NCOA4: variants seen among roughly 807,000 people sequenced by gnomAD.
NCOA4 encodes nuclear receptor coactivator 4, also known as 70 kDa AR-activator.
NCOA4 carries 31 observed loss-of-function variants against 69.5 expected under a neutral mutation model. The observed-to-expected ratio is 0.45, with a 90% confidence interval of 0.34 to 0.60. The LOEUF (loss-of-function observed/expected upper bound fraction) is 0.60. Among genes scored for constraint, NCOA4 ranks in the 20% least tolerant of loss-of-function variants. NCOA4 has a pLI of 0.02. For synonymous variants in NCOA4, 228 were observed against 252.4 expected, an observed-to-expected ratio of 0.90 and a Z score of 0.92; for missense variants, 600 against 719.2, an observed-to-expected ratio of 0.83 and a Z score of 1.90.
In NCOA4 at chr10:46,005,845, C is replaced by T. The variant is rs1381856341; in HGVS notation, c.*747G>A. ...TCGGTACTGGGGTTCTTTTAAGCCC[C>T]GTAGGTCTGTAGAATATTTTAAAAG... is the stretch of plus-strand genomic sequence containing the variant. On this transcript the variant is annotated 3_prime_UTR_variant, in exon 10 of 10. Transcript: ENST00000581486. 18 of 207,154 alleles carry T rather than the reference C, an allele frequency of 8.7e-5. No homozygotes were observed. The highest frequency in any genetic ancestry group is 3.0e-4 in the East Asian group (4 of 13,474). 12.8% of individuals were successfully genotyped at this position (207,154 alleles called of 1,614,324 possible).
chr10:46,009,344 T>C, intron 9 of NCOA4, 67 bp downstream of exon 9: 1 of 1,556,890 alleles, frequency 6.4e-7, no homozygotes, highest in Non-Finnish European at 8.8e-7. Flanking sequence ...TGACTTCATA[T>C]GTAAGACAAA....
intron 1 of NCOA4, chr10:46,023,499 G>C (rs908774569): frequency 2.0e-6 from 2 of 985,536 alleles, no homozygotes; most frequent in South Asian, 4.7e-5. Flanking sequence ...AGCCAAGGGC[G>C]GGGAGGAGCG....
At chr10:46,010,154 A>AC (rs1839119129) in intron 8 of NCOA4, 69 bp downstream of exon 8, 28 of 1,506,004 alleles carry the variant, frequency 1.9e-5, no homozygotes, top group Non-Finnish European at 2.3e-5. Flanking sequence ...AGTGACAGAG[A>AC]CCCCATCTCA....
chr10:46,014,130 G>A lies in NCOA4; in HGVS notation c.480+314C>T, dbSNP rs1381729159. Among the ~76,000 whole-genome samples the A allele has an allele frequency of 9.2e-5, 14 of 151,956 alleles. No homozygotes were observed. The East Asian group carries it at 1.2e-3, about 13-fold the overall frequency. On this transcript the variant is annotated intron_variant, in intron 5 of 9. Coordinates refer to ENST00000581486, the MANE Select transcript of NCOA4 (RefSeq NM_001145263.2). Reference sequence around the variant, plus strand: ...CAACCTCCGCCTCCCAGCTTGAAGCGATCCTCCTGCCTCAGCCTTCCAAGT... The same window carrying A: ...CAACCTCCGCCTCCCAGCTTGAAGCAATCCTCCTGCCTCAGCCTTCCAAGT...
Position 46,009,504 on chromosome 10 carries a change from T to C in NCOA4, c.1746A>G (p.Pro582=). The change falls in exon 9 of 10, where the codon CCA becomes CCG. Residue 582 remains proline, a synonymous_variant. Transcript: ENST00000581486. ...SPLQEEHNFP[P]DHYGLPAVCD... is the part of the protein sequence containing the mutation. ...AAACTGCAGGGAGGCCATAATGGTC[T>C]GGGGGGAAGTTATGTTCCTCCTGTA... The C allele has an allele frequency of 2.5e-6, 4 of 1,611,270 alleles. No individual in the cohort carries two copies. The highest frequency in any genetic ancestry group is 3.4e-6 in the Non-Finnish European group (4 of 1,179,128).
At chr10:46,014,306 C>T in intron 5 of NCOA4, 138 bp downstream of exon 5, 1 of 647,298 alleles carries the variant, frequency 1.5e-6, no homozygotes, top group Non-Finnish European at 2.7e-6. Flanking sequence ...CGTGAGCCAC[C>T]ACGCCCAGCT....
At chr10:46,017,346 G>C (rs1330761624) in intron 1 of NCOA4, among the ~76,000 whole-genome samples, 1 of 152,008 alleles carries the variant, frequency 6.6e-6, no homozygotes, top group African/African-American at 2.4e-5. Flanking sequence ...CAGGAGTTCG[G>C]GACCAGCCTG....
At chr10:46,015,084 G>A in intron 3 of NCOA4, 42 bp downstream of exon 3, 1 of 1,613,470 alleles carries the variant, frequency 6.2e-7, no homozygotes, top group Non-Finnish European at 8.5e-7. Flanking sequence ...CTGGCAACCA[G>A]AAGCCATGCT....
intron 7 of NCOA4, among the ~76,000 whole-genome samples, chr10:46,011,922 G>T (rs1839234642): frequency 6.6e-6 from 1 of 151,426 alleles, no homozygotes; most frequent in South Asian, 2.1e-4. Flanking sequence ...TTAGCAGGGT[G>T]TGGTGGCAAG....
At position 46,005,631 on chromosome 10, in the gene NCOA4, A is replaced by G; in HGVS notation, c.*961T>C. The G allele has an allele frequency of 4.6e-6, 1 of 219,754 alleles. No homozygotes were observed. The highest frequency in any genetic ancestry group is 9.2e-6 in the Non-Finnish European group (1 of 109,144). 13.6% of individuals were successfully genotyped at this position (219,754 alleles called of 1,614,324 possible). A position where few individuals can be genotyped will look rare whatever the true frequency, so the allele number is the denominator to read the frequency against. ...CACAAGTGTTGAAAACGGCCTGTTC[A>G]CTAAAACGTCACTTTTGGAGGTACA... On this transcript the variant is annotated 3_prime_UTR_variant, in exon 10 of 10. Coordinates refer to ENST00000581486, the MANE Select transcript of NCOA4 (RefSeq NM_001145263.2).
In NCOA4 at chr10:46,012,998, G is replaced by C; in HGVS notation, c.599C>G (p.Pro200Arg). 1 of 1,614,098 alleles carries C rather than the reference G, an allele frequency of 6.2e-7. No homozygotes were observed. Among genetic ancestry groups the C allele is most frequent in the Non-Finnish European group, 8.5e-7 (1 of 1,179,992 alleles). ...GCTTCCAAGGAGCCATTCGCTGAAAGGGACAGCTACAATACCGGATGCTGA... is the reference window on the plus strand; with the variant it reads ...GCTTCCAAGGAGCCATTCGCTGAAACGGACAGCTACAATACCGGATGCTGA... The part of the protein sequence containing the change: ...QKSASGIVAV[P>R]FSEWLLGSKP... Residue 200 changes from proline to arginine, a missense_variant, in exon 7 of 10, where the codon CCT becomes CGT. Physicochemically the swap from Pro to Arg is moderately radical, Grantham distance 103. Transcript: ENST00000581486.
At chr10:46,025,875 GAATT>G (rs1324356263) in intron 1 of NCOA4, among the ~76,000 whole-genome samples, 1 of 152,174 alleles carries the variant, frequency 6.6e-6, no homozygotes, top group Non-Finnish European at 1.5e-5. Flanking sequence ...TCTTATTTAT[GAATT>G]AATAGCTTTG....
chr10:46,009,607 A>G (rs1839077786), intron 8 of NCOA4, 56 bp from the exon 9 acceptor site: 1 of 1,488,052 alleles, frequency 6.7e-7, no homozygotes, highest in Non-Finnish European at 9.2e-7. Context: ...CATGAGACCA[A>G]CTTATCTTCC....
At chr10:46,018,455 T>C (rs1554923764) in intron 1 of NCOA4, among the ~76,000 whole-genome samples, 2 of 152,258 alleles carry the variant, frequency 1.3e-5, no homozygotes, top group East Asian at 1.9e-4. Context: ...ACCAAAAGTA[T>C]AGTGTTTGTC....
Position 46,009,554 on chromosome 10 carries a change from G to A in NCOA4, c.1699-3C>T, listed in dbSNP as rs782800175. ...AGAGGTGAATTAAGTAATACTTCCT[G>A]CAATAAAAGAAAAGAGTAGGTTGCT... is the stretch of plus-strand genomic sequence containing the variant. On this transcript the variant is annotated splice_polypyrimidine_tract_variant and splice_region_variant and intron_variant, in intron 8 of 9. Coordinates refer to ENST00000581486, the MANE Select transcript of NCOA4 (RefSeq NM_001145263.2). The A allele has an allele frequency of 5.6e-6, 9 of 1,598,562 alleles. No individual in the cohort carries two copies. In the African/African-American group the frequency reaches 1.1e-4, roughly 19 times the overall value.
chr10:46,027,487 G>A (rs1840227633), intron 1 of NCOA4: 1 of 1,550,906 alleles, frequency 6.4e-7, no homozygotes, highest in Non-Finnish European at 8.7e-7. Context: ...CCTCCACATT[G>A]TTCATGTGCG....
chr10:46,010,790 T>C lies in NCOA4; in HGVS notation c.1131A>G (p.Lys377=). 1.9e-6 allele frequency: 3 copies of C among 1,613,902 alleles called. No homozygotes were observed. The highest frequency in any genetic ancestry group is 2.5e-6 in the Non-Finnish European group (3 of 1,179,848). The change falls in exon 8 of 10, where the codon AAA becomes AAG. Residue 377 remains lysine (K), a synonymous_variant. Transcript: ENST00000581486. The part of the protein sequence containing the change: ...KCLNDHLEAK[K]PLSTPSMVTE... ...TAACCATGCTGGGGGTGGACAATGG[T>C]TTCTTGGCCTCCAAGTGGTCATTCA...
chr10:46,027,364 G>T, intron 1 of NCOA4: 2 of 1,383,798 alleles, frequency 1.4e-6, no homozygotes, highest in Non-Finnish European at 1.0e-6. Context: ...AACAATCAAA[G>T]AAGATAAGCT....
rs71026287 is a variant in NCOA4 at position 46,007,581 on chromosome 10, C to CTT, written c.1840-986_1840-985dup. On this transcript the variant is annotated intron_variant, in intron 9 of 9. Coordinates refer to ENST00000581486, the MANE Select transcript of NCOA4 (RefSeq NM_001145263.2). ...TTAGGGACTAACACAGCCAGTGACTCTTTTTTTTTTTTTTTTTTTTTTTTT... is the reference window on the plus strand; with the variant it reads ...TTAGGGACTAACACAGCCAGTGACTCTTTTTTTTTTTTTTTTTTTTTTTTTTT... Among the ~76,000 whole-genome samples the CTT allele has an allele frequency of 3.4e-3, 292 of 85,480 alleles. 22 individuals carry two copies. Among genetic ancestry groups the CTT allele is most frequent in the East Asian group, 9.9e-3 (26 of 2,618 alleles). The allele number at this position is 85,480 out of a possible 152,430, so 56.1% of individuals were successfully genotyped here.
Sources: allele counts gnomAD v4.1 joint callset (sites outside exome capture counted in the v4.1 genomes callset), GRCh38; gene constraint gnomAD v4.1.1; transcripts MANE v1.5; gene names NCBI Gene and HGNC (gene_info 2026-07-23, HGNC 2026-07-21).